SETD2: variants seen among roughly 807,000 people sequenced by gnomAD.
SETD2 encodes histone-lysine N-methyltransferase SETD2.
SETD2 carries 31 observed loss-of-function variants against 242.1 expected under a neutral mutation model. The observed-to-expected ratio is 0.13, with a 90% CI of 0.10 to 0.17. SETD2 has a LOEUF of 0.17. SETD2 is among the 10% of genes least tolerant of loss of function. The pLI is 1.00. For missense variants in SETD2, 2,481 were observed against 3,046.3 expected (o/e 0.81, Z 4.37); for synonymous variants, 1,006 against 1,066.5 (o/e 0.94, Z 1.11).
intron 1 of SETD2, among the ~76,000 whole-genome samples, chr3:47,129,337 A>G (rs894216602): frequency 6.6e-6 from 1 of 152,238 alleles, no homozygotes; most frequent in African/African-American, 2.4e-5. Flanking sequence ...CAAACAAGCA[A>G]AAGAAAAGTC....
intron 1 of SETD2, among the ~76,000 whole-genome samples, chr3:47,159,366 C>T (rs1476169822): frequency 6.6e-6 from 1 of 152,220 alleles, no homozygotes; most frequent in African/African-American, 2.4e-5. Flanking sequence ...TTAGTCATCA[C>T]TGTCTTTGTT....
chr3:47,025,280 A>C (rs1221274756), intron 18 of SETD2, among the ~76,000 whole-genome samples: 1 of 152,202 alleles, frequency 6.6e-6, no homozygotes, highest in East Asian at 1.9e-4. Context: ...TTGTTTGCTA[A>C]ACCCTCAATC....
At chr3:47,043,010 T>C (rs2039352761) in intron 16 of SETD2, among the ~76,000 whole-genome samples, 1 of 143,576 alleles carries the variant, frequency 7.0e-6, no homozygotes, top group Admixed American at 7.1e-5. Flanking sequence ...ATTAACTAAA[T>C]GGGATACAGA....
chr3:47,141,338 T>C (rs1354871172), intron 1 of SETD2, among the ~76,000 whole-genome samples: 1 of 152,142 alleles, frequency 6.6e-6, no homozygotes, highest in Admixed American at 6.6e-5. Flanking sequence ...CTATCTTGTA[T>C]TGTACCAGAC....
intron 13 of SETD2, among the ~76,000 whole-genome samples, chr3:47,064,326 AT>A (rs1413462171): frequency 1.3e-5 from 2 of 152,212 alleles, no homozygotes; most frequent in Non-Finnish European, 2.9e-5. Flanking sequence ...AACAGAACTC[AT>A]TTGTACCACA....
At chr3:47,047,881 T>C (rs1436121568) in intron 15 of SETD2, among the ~76,000 whole-genome samples, 1 of 152,220 alleles carries the variant, frequency 6.6e-6, no homozygotes, top group Non-Finnish European at 1.5e-5. Context: ...CATCATATAA[T>C]GTACTTTCAC....
chr3:47,073,739 G>C (rs1230743587), intron 12 of SETD2, among the ~76,000 whole-genome samples: 1 of 152,212 alleles, frequency 6.6e-6, no homozygotes. Flanking sequence ...CAAACAGAAA[G>C]ATGTTCAATA....
At chr3:47,031,447 T>C (rs2038766707) in intron 18 of SETD2, among the ~76,000 whole-genome samples, 1 of 152,206 alleles carries the variant, frequency 6.6e-6, no homozygotes, top group Non-Finnish European at 1.5e-5. Context: ...GACTACTTTT[T>C]AAAAAGTGGT....
chr3:47,090,043 T>C (rs888681569), intron 9 of SETD2, among the ~76,000 whole-genome samples: 7 of 151,600 alleles, frequency 4.6e-5, no homozygotes, highest in African/African-American at 1.5e-4. Context: ...AGGTCAGGAG[T>C]TCAAGACGAG....
At chr3:47,051,071 C>T (rs1309417541) in intron 15 of SETD2, among the ~76,000 whole-genome samples, 1 of 151,568 alleles carries the variant, frequency 6.6e-6, no homozygotes, top group Admixed American at 6.6e-5. Flanking sequence ...GTGCAAGTGA[C>T]CATATTCTCT....
intron 9 of SETD2, among the ~76,000 whole-genome samples, chr3:47,089,654 C>T (rs2041714300): frequency 6.6e-6 from 1 of 152,026 alleles, no homozygotes; most frequent in African/African-American, 2.4e-5. Context: ...ATGGCAGTTA[C>T]AGGACATAAA....
At chr3:47,154,497 C>T (rs184736843) in intron 1 of SETD2, among the ~76,000 whole-genome samples, 3 of 152,078 alleles carry the variant, frequency 2.0e-5, no homozygotes, top group East Asian at 1.9e-4. Flanking sequence ...AAAATACATA[C>T]AGTAATATGA....
chr3:47,066,436 C>G (rs1301050266), intron 13 of SETD2, among the ~76,000 whole-genome samples: 1 of 152,184 alleles, frequency 6.6e-6, no homozygotes, highest in African/African-American at 2.4e-5. Context: ...CAGCCTCAAT[C>G]TCCTAGGCTC....
chr3:47,031,089 G>A (rs545938361), intron 18 of SETD2, among the ~76,000 whole-genome samples: 100 of 152,354 alleles, frequency 6.6e-4, no homozygotes, highest in Middle Eastern at 3.4e-3. Context: ...CTGGGGAAGA[G>A]GGATGAGGAG....
rs2107575324 is a variant in SETD2, at chr3:47,056,984, C to G, written c.6800G>C (p.Gly2267Ala). 6.2e-7 allele frequency: 1 copy of G among 1,614,266 alleles called. No homozygotes were observed. The highest frequency in any genetic ancestry group is 8.5e-7 in the Non-Finnish European group (1 of 1,180,048). ...LPVPAPGPVQ[G>A]QNYSVWDSNQ... ...TGAATCCCAAACACTATAATTCTGT[C>G]CCTGAACTGGGCCGGGGGCCGGCAC... The change falls in exon 15 of 21, where the codon GGA becomes GCA. Residue 2267 changes from glycine to alanine, a missense_variant. Gly to Ala is a moderately conservative substitution (Grantham distance 60). Transcript: ENST00000409792.
chr3:47,115,065 G>A (rs2042805242), intron 4 of SETD2, among the ~76,000 whole-genome samples: 2 of 152,086 alleles, frequency 1.3e-5, no homozygotes, highest in Admixed American at 6.6e-5. Flanking sequence ...AATCTCTAAT[G>A]ATACATAGGA....
chr3:47,135,259 T>C (rs950252421), intron 1 of SETD2, among the ~76,000 whole-genome samples: 4 of 152,290 alleles, frequency 2.6e-5, no homozygotes, highest in Admixed American at 2.0e-4. Context: ...ACCTTTAGTA[T>C]TTATTACTTT....
chr3:47,078,804 C>G (rs2041208012), intron 12 of SETD2, among the ~76,000 whole-genome samples: 1 of 151,926 alleles, frequency 6.6e-6, no homozygotes. Flanking sequence ...CATCATGGAT[C>G]ACTGCAGCCT....
intron 12 of SETD2, among the ~76,000 whole-genome samples, chr3:47,076,216 G>C (rs2107621834): frequency 6.6e-6 from 1 of 152,272 alleles, no homozygotes; most frequent in South Asian, 2.1e-4. Context: ...AAACAAAAGA[G>C]TTTTCAGGAA....
Sources: gnomAD v4.1 joint callset for allele counts (sites outside exome capture counted in the v4.1 genomes callset) on GRCh38, gnomAD v4.1.1 for gene constraint, MANE v1.5 for transcripts, NCBI Gene and HGNC (gene_info 2026-07-23, HGNC 2026-07-21) for gene names.